GATAD2B: variants seen among roughly 807,000 people sequenced by gnomAD.
The protein encoded by GATAD2B is GATA zinc finger domain containing 2B.
A neutral mutation model predicts 64.3 loss-of-function variants in GATAD2B; 8 were observed. The observed-to-expected ratio is 0.12, with a 90% CI of 0.07 to 0.22. The LOEUF (loss-of-function observed/expected upper bound fraction) is 0.22, where lower values mean the gene tolerates loss of function less well. GATAD2B is among the 10% of genes least tolerant of loss of function. GATAD2B has a pLI of 1.00. For missense variants in GATAD2B, 453 were observed against 752.0 expected (o/e 0.60, Z 4.65); for synonymous variants, 281 against 271.3 (o/e 1.04, Z -0.35).
intron 1 of GATAD2B, among the ~76,000 whole-genome samples, chr1:153,843,139 AT>A (rs562919302): frequency 6.9e-4 from 96 of 139,280 alleles, no homozygotes; most frequent in Non-Finnish European, 7.5e-4. Context: ...TGTGCCTGGC[AT>A]TTTTTTTTTT....
chr1:153,827,976 C>T lies in GATAD2B; in HGVS notation c.335+37G>A, dbSNP rs780384514. On this transcript the variant is annotated intron_variant, in intron 2 of 10. Coordinates refer to ENST00000368655, the MANE Select transcript of GATAD2B (RefSeq NM_020699.4). ...TTCCATTTTCACAGGCTTTATGAGA[C>T]GACCCTATCCCTGGAGGCAGCTGAA... The T allele has an allele frequency of 2.6e-5, 39 of 1,481,358 alleles. No homozygotes were observed. In the African/African-American group the frequency reaches 4.2e-4, roughly 16 times the overall value. 91.8% of individuals were successfully genotyped at this position (1,481,358 alleles called of 1,614,324 possible).
chr1:153,918,516 CCTA>C (rs1328723370), intron 1 of GATAD2B, among the ~76,000 whole-genome samples: 4 of 152,192 alleles, frequency 2.6e-5, no homozygotes, highest in African/African-American at 7.2e-5. Flanking sequence ...TAATCTAAAT[CCTA>C]CTAACATTCC....
At chr1:153,875,500 C>G (rs146128655) in intron 1 of GATAD2B, among the ~76,000 whole-genome samples, 2 of 152,094 alleles carry the variant, frequency 1.3e-5, no homozygotes, top group Non-Finnish European at 2.9e-5. Flanking sequence ...TTACAAACTT[C>G]TTCTGTAAAG....
chr1:153,810,376 A>G, intron 10 of GATAD2B, 66 bp from the exon 11 acceptor site: 1 of 1,521,264 alleles, frequency 6.6e-7, no homozygotes, highest in Non-Finnish European at 9.0e-7. Context: ...CTTCCACTCT[A>G]CCCTCGGGCT....
chr1:153,811,964 G>A lies in GATAD2B; in HGVS notation c.1530+58C>T. On this transcript the variant is annotated intron_variant, in intron 9 of 10. Transcript: ENST00000368655. Reference sequence around the variant, plus strand: ...TTTCCCACAATAGAAAGGACAAATTGTGATAAATGGCTGATAAATCTTCTA... The same window carrying A: ...TTTCCCACAATAGAAAGGACAAATTATGATAAATGGCTGATAAATCTTCTA... The A allele has an allele frequency of 2.3e-6, 3 of 1,311,782 alleles. No homozygotes were observed. The East Asian group carries it at 6.9e-5, about 30-fold the overall frequency. The allele number at this position is 1,311,782 out of a possible 1,614,324, so 81.3% of individuals were successfully genotyped here.
intron 1 of GATAD2B, among the ~76,000 whole-genome samples, chr1:153,908,056 G>A (rs992754965): frequency 2.0e-5 from 3 of 152,186 alleles, no homozygotes; most frequent in African/African-American, 7.2e-5. Context: ...GCCTGCCTTG[G>A]CCTCCCAAAG....
chr1:153,852,889 G>GC, intron 1 of GATAD2B: 1 of 774,212 alleles, frequency 1.3e-6, no homozygotes. Context: ...TTTGGTGAGC[G>GC]CATGTTCCAA....
intron 1 of GATAD2B, among the ~76,000 whole-genome samples, chr1:153,871,452 T>C (rs1429658949): frequency 3.3e-5 from 5 of 152,150 alleles, no homozygotes; most frequent in South Asian, 4.1e-4. Context: ...TCCATCTGCC[T>C]TGGCCTTCCA....
At chr1:153,905,811 A>G (rs1214400814) in intron 1 of GATAD2B, among the ~76,000 whole-genome samples, 1 of 150,644 alleles carries the variant, frequency 6.6e-6, no homozygotes, top group Non-Finnish European at 1.5e-5. Flanking sequence ...TCACGCCTGT[A>G]ATCCCAGCAC....
chr1:153,879,290 A>C (rs1327368076), intron 1 of GATAD2B, among the ~76,000 whole-genome samples: 2 of 149,922 alleles, frequency 1.3e-5, no homozygotes, highest in Non-Finnish European at 3.0e-5. Context: ...GGCCAGGCTG[A>C]TCTCAAACTC....
At chr1:153,850,278 C>T (rs1675842301) in intron 1 of GATAD2B, among the ~76,000 whole-genome samples, 1 of 152,026 alleles carries the variant, frequency 6.6e-6, no homozygotes, top group Admixed American at 6.6e-5. Flanking sequence ...ATAATTTAAA[C>T]CCACACAAAT....
chr1:153,885,846 G>A (rs980886405), intron 1 of GATAD2B, among the ~76,000 whole-genome samples: 2 of 138,798 alleles, frequency 1.4e-5, no homozygotes, highest in Admixed American at 1.5e-4. Flanking sequence ...CTGGGCGACA[G>A]AGCAAGACTC....
At chr1:153,832,792 T>A (rs1194126668) in intron 1 of GATAD2B, among the ~76,000 whole-genome samples, 3 of 152,202 alleles carry the variant, frequency 2.0e-5, no homozygotes, top group African/African-American at 7.2e-5. Flanking sequence ...TTTCAACCCT[T>A]ATCTCCCACT....
chr1:153,875,853 T>C (rs1339540082), intron 1 of GATAD2B, among the ~76,000 whole-genome samples: 3 of 152,118 alleles, frequency 2.0e-5, no homozygotes, highest in Non-Finnish European at 4.4e-5. Context: ...CAATGCATTA[T>C]CTCATTTAGA....
At chr1:153,883,121 A>T (rs1677059548) in intron 1 of GATAD2B, among the ~76,000 whole-genome samples, 1 of 152,158 alleles carries the variant, frequency 6.6e-6, no homozygotes, top group Non-Finnish European at 1.5e-5. Flanking sequence ...GACCTCTGAA[A>T]TTCACATCAT....
chr1:153,916,680 CATT>C (rs1394106661), intron 1 of GATAD2B, among the ~76,000 whole-genome samples: 3 of 152,094 alleles, frequency 2.0e-5, no homozygotes, highest in South Asian at 4.1e-4. Flanking sequence ...ATAATTTCAT[CATT>C]ATTTGCATTA....
intron 1 of GATAD2B, among the ~76,000 whole-genome samples, chr1:153,897,098 G>A (rs1244262366): frequency 1.3e-5 from 2 of 148,834 alleles, no homozygotes; most frequent in Admixed American, 1.4e-4. Context: ...GCACGATCTC[G>A]GCTCACTGCA....
At chr1:153,911,019 ATC>A (rs1321565900) in intron 1 of GATAD2B, among the ~76,000 whole-genome samples, 1 of 152,202 alleles carries the variant, frequency 6.6e-6, no homozygotes, top group Non-Finnish European at 1.5e-5. Context: ...AGAGAAATAT[ATC>A]TCTAAAATAT....
rs920663219 is a variant in GATAD2B at position 153,853,040 on chromosome 1, A to G, written c.-1-24692T>C. On this transcript the variant is annotated intron_variant, in intron 1 of 10. Coordinates refer to ENST00000368655, the MANE Select transcript of GATAD2B (RefSeq NM_020699.4). ...AACCCTGTGATGAATCCTTGGCCCC[A>G]GTCACAGTAGTCGTCACAGCATCTT... The G allele has an allele frequency of 3.6e-5, 54 of 1,482,718 alleles. No individual in the cohort carries two copies. In the African/African-American group the frequency reaches 7.3e-4, roughly 20 times the overall value. The allele number at this position is 1,482,718 out of a possible 1,614,324, so 91.8% of individuals were successfully genotyped here.
Sources: allele counts gnomAD v4.1 joint callset (sites outside exome capture counted in the v4.1 genomes callset), GRCh38; gene constraint gnomAD v4.1.1; transcripts MANE v1.5; gene names NCBI Gene and HGNC (gene_info 2026-07-23, HGNC 2026-07-21).